The following SPATS2 variants were observed in gnomAD, a reference collection of about 807,000 sequenced individuals.
SPATS2 encodes spermatogenesis-associated serine-rich protein 2.
In SPATS2, 38 loss-of-function variants were observed where a neutral mutation model predicts 63.7. The observed-to-expected ratio is 0.60, with a 90% CI of 0.46 to 0.78. The LOEUF (loss-of-function observed/expected upper bound fraction) is 0.78, where lower values mean the gene tolerates loss of function less well. Among genes scored for constraint, SPATS2 ranks in the 30% least tolerant of loss-of-function variants. The pLI is 0.00. For missense variants in SPATS2, 588 were observed against 666.2 expected (o/e 0.88, Z 1.29); for synonymous variants, 207 against 232.9 (o/e 0.89, Z 1.01).
At chr12:49,475,801 C>T (rs1197156705) in intron 3 of SPATS2, among the ~76,000 whole-genome samples, 1 of 152,148 alleles carries the variant, frequency 6.6e-6, no homozygotes, top group African/African-American at 2.4e-5. Flanking sequence ...TTTTTTAAAA[C>T]TGCATTTCAT....
At chr12:49,497,353 T>C (rs1311251324) in intron 8 of SPATS2, among the ~76,000 whole-genome samples, 2 of 152,134 alleles carry the variant, frequency 1.3e-5, no homozygotes, top group African/African-American at 4.8e-5. Context: ...ATCTTCTGGT[T>C]GACCCAACAA....
chr12:49,385,787 A>G (rs1944303916), intron 2 of SPATS2, among the ~76,000 whole-genome samples: 1 of 151,734 alleles, frequency 6.6e-6, no homozygotes, highest in Non-Finnish European at 1.5e-5. Context: ...GCCAGGGAGC[A>G]TTGAGAGCCC....
Position 49,525,953 on chromosome 12 carries a change from G to T in SPATS2, c.1336G>T (p.Gly446Trp). 6.2e-7 allele frequency: 1 copy of T among 1,613,348 alleles called. No homozygotes were observed. The highest frequency in any genetic ancestry group is 8.5e-7 in the Non-Finnish European group (1 of 1,179,484). ...PYQPLREVLP[G>W]NRRGGQGYRP... ...ATTCTTTCATCTTTAGGTATTGCCA[G>T]GGAACAGACGAGGAGGACAGGGCTA... Residue 446 changes from glycine (G) to tryptophan (W), a missense_variant, in exon 14 of 14, where the codon GGG becomes TGG. Physicochemically the swap from Gly to Trp is radical, Grantham distance 184. Coordinates refer to ENST00000552918, the MANE Select transcript of SPATS2 (RefSeq NM_023071.4).
chr12:49,458,583 C>T (rs1385893186), intron 2 of SPATS2, among the ~76,000 whole-genome samples: 1 of 152,090 alleles, frequency 6.6e-6, no homozygotes, highest in African/African-American at 2.4e-5. Flanking sequence ...AGTTCAAGAC[C>T]AGCCTGGCCA....
chr12:49,517,281 G>A (rs1946866844), intron 10 of SPATS2, among the ~76,000 whole-genome samples: 1 of 152,224 alleles, frequency 6.6e-6, no homozygotes, highest in Admixed American at 6.5e-5. Context: ...TCCTGAGAAA[G>A]TGGGCCCTGA....
intron 13 of SPATS2, among the ~76,000 whole-genome samples, chr12:49,525,300 G>A (rs530654614): frequency 1.1e-4 from 16 of 152,302 alleles, no homozygotes; most frequent in African/African-American, 3.8e-4. Flanking sequence ...GTGAACTGGT[G>A]GGGATGGGGG....
intron 2 of SPATS2, among the ~76,000 whole-genome samples, chr12:49,456,229 C>T (rs1945716812): frequency 6.6e-6 from 1 of 152,116 alleles, no homozygotes; most frequent in South Asian, 2.1e-4. Context: ...CTGTTCTTAC[C>T]ATAGGTTCAG....
intron 2 of SPATS2, among the ~76,000 whole-genome samples, chr12:49,448,487 G>T (rs1945557081): frequency 6.6e-6 from 1 of 151,682 alleles, no homozygotes; most frequent in African/African-American, 2.4e-5. Context: ...AATTTCCTTT[G>T]TGAATTTTTT....
chr12:49,407,525 G>C (rs760625131), intron 2 of SPATS2, among the ~76,000 whole-genome samples: 48 of 152,206 alleles, frequency 3.2e-4, no homozygotes, highest in African/African-American at 1.1e-3. Context: ...TTCTTCTTCA[G>C]AACATTTGTG....
intron 2 of SPATS2, among the ~76,000 whole-genome samples, chr12:49,389,357 G>A (rs1215610136): frequency 1.3e-5 from 2 of 152,176 alleles, no homozygotes; most frequent in Non-Finnish European, 1.5e-5. Flanking sequence ...CCACACCTCC[G>A]CTGCCTCCGT....
rs149285615 is a variant in SPATS2 at position 49,512,905 on chromosome 12, G to A, written c.840-1650G>A. ...AGTTCTTGGAGCAAAATATTGCCAA[G>A]GTTTGGGAAATGCTTTCTTAGCAAA... On this transcript the variant is annotated intron_variant, in intron 9 of 13. Coordinates refer to ENST00000552918, the MANE Select transcript of SPATS2 (RefSeq NM_023071.4). 47 of 1,288,974 alleles carry A rather than the reference G, an allele frequency of 3.6e-5. No individual in the cohort carries two copies. The East Asian group carries it at 2.4e-3, about 65-fold the overall frequency. The allele number at this position is 1,288,974 out of a possible 1,614,324, so 79.8% of individuals were successfully genotyped here.
chr12:49,498,141 A>ATATAT (rs1555191148), intron 8 of SPATS2, among the ~76,000 whole-genome samples: 85 of 74,304 alleles, frequency 1.1e-3, no homozygotes, highest in Non-Finnish European at 1.7e-3. Flanking sequence ...CCAAAAAAAA[A>ATATAT]AAAAATATAT....
chr12:49,444,263 G>A (rs1162821797), intron 2 of SPATS2, among the ~76,000 whole-genome samples: 2 of 150,918 alleles, frequency 1.3e-5, no homozygotes, highest in African/African-American at 4.9e-5. Flanking sequence ...ACCCAGGCTG[G>A]TGCAGTGGCA....
intron 2 of SPATS2, among the ~76,000 whole-genome samples, chr12:49,392,297 A>G (rs1459585520): frequency 6.6e-6 from 1 of 151,622 alleles, no homozygotes; most frequent in Admixed American, 6.6e-5. Context: ...TATGTACTGC[A>G]TGGGAACCTA....
chr12:49,396,379 G>A (rs746494687), intron 2 of SPATS2, among the ~76,000 whole-genome samples: 5 of 152,134 alleles, frequency 3.3e-5, no homozygotes, highest in Non-Finnish European at 5.9e-5. Flanking sequence ...TATTCTTGGG[G>A]TGCTGTCTTT....
At chr12:49,466,396 C>T (rs1945916710) in intron 3 of SPATS2, among the ~76,000 whole-genome samples, 1 of 152,120 alleles carries the variant, frequency 6.6e-6, no homozygotes, top group African/African-American at 2.4e-5. Flanking sequence ...CTCCTGACCT[C>T]GTGATCCACC....
At chr12:49,404,837 G>GTA (rs1298114293) in intron 2 of SPATS2, among the ~76,000 whole-genome samples, 1 of 152,144 alleles carries the variant, frequency 6.6e-6, no homozygotes, top group African/African-American at 2.4e-5. Flanking sequence ...GCCTGCTGTT[G>GTA]TATGGCCTGC....
At chr12:49,510,470 G>T (rs544222127) in intron 9 of SPATS2, among the ~76,000 whole-genome samples, 1 of 144,858 alleles carries the variant, frequency 6.9e-6, no homozygotes, top group Non-Finnish European at 1.5e-5. Context: ...GGGCTGAGGC[G>T]GGAGGATTGC....
At chr12:49,504,677 G>A (rs1237012163) in intron 9 of SPATS2, among the ~76,000 whole-genome samples, 2 of 148,968 alleles carry the variant, frequency 1.3e-5, no homozygotes, top group African/African-American at 2.5e-5. Context: ...AGTCATGTAA[G>A]TTTATGGTTA....
Sources: allele counts gnomAD v4.1 joint callset (sites outside exome capture counted in the v4.1 genomes callset), GRCh38; gene constraint gnomAD v4.1.1; transcripts MANE v1.5; gene names NCBI Gene and HGNC (gene_info 2026-07-23, HGNC 2026-07-21).